E2F8: variants seen among roughly 807,000 people sequenced by gnomAD.
E2F8 encodes the protein transcription factor E2F8.
A neutral mutation model predicts 80.8 loss-of-function variants in E2F8; 35 were observed. The ratio of observed to expected loss-of-function variants is 0.43; its 90% confidence interval spans 0.33 to 0.57. The LOEUF is 0.57. Among genes scored for constraint, E2F8 ranks in the 20% least tolerant of loss-of-function variants. The pLI is 0.04. For synonymous variants in E2F8, 386 were observed against 395.0 expected (o/e 0.98, Z 0.27); for missense variants, 975 against 1,056.2 (o/e 0.92, Z 1.07).
chr11:19,230,764 G>A lies in E2F8; in HGVS notation c.1137C>T (p.Ala379=). The A allele has an allele frequency of 6.2e-7, 1 of 1,614,180 alleles. No individual in the cohort carries two copies. The highest frequency in any genetic ancestry group is 1.1e-5 in the South Asian group (1 of 91,076). ...TCCCACGTGTGGAAAAGAGGTTTTTGGCACAGTTCTCTTTTGAAGACCGTC... is the reference window on the plus strand; with the variant it reads ...TCCCACGTGTGGAAAAGAGGTTTTTAGCACAGTTCTCTTTTGAAGACCGTC... The part of the protein sequence containing the change: ...EVRRSSKENC[A]KNLFSTRGKP... Residue 379 remains alanine, a synonymous_variant, in exon 8 of 13, where the codon GCC becomes GCT. Coordinates refer to ENST00000250024, the MANE Select transcript of E2F8 (RefSeq NM_024680.4).
In E2F8 at chr11:19,225,170, T is replaced by C. The variant is rs564847687; in HGVS notation, c.2421+51A>G. On this transcript the variant is annotated intron_variant, in intron 12 of 12. Transcript: ENST00000250024. ...AGCCAATCTCTTATGACACAGATAC[T>C]TGGGGCTTAGTAATTCCAGGAAAAA... The C allele has an allele frequency of 8.2e-6, 13 of 1,576,904 alleles. No homozygotes were observed. The African/African-American group carries it at 1.8e-4, about 21-fold the overall frequency.
chr11:19,235,590 A>G (rs1409011626), intron 4 of E2F8, among the ~76,000 whole-genome samples: 1 of 152,116 alleles, frequency 6.6e-6, no homozygotes, highest in Non-Finnish European at 1.5e-5. Context: ...CGGAGCTTGC[A>G]GTGAGCCTAG....
rs552328113 is a variant in E2F8 at position 19,230,070 on chromosome 11, G to A, written c.1359-82C>T. On this transcript the variant is annotated intron_variant, in intron 9 of 12. Coordinates refer to ENST00000250024, the MANE Select transcript of E2F8 (RefSeq NM_024680.4). Reference sequence around the variant, plus strand: ...CTACCGCTTTAAGCCTCATATTGAAGCCACGCTTTTATGGAACATGCAGAT... The same window carrying A: ...CTACCGCTTTAAGCCTCATATTGAAACCACGCTTTTATGGAACATGCAGAT... 2.0e-4 allele frequency: 318 copies of A among 1,569,038 alleles called. 1 individual carries two copies. Among genetic ancestry groups the A allele is most frequent in the Non-Finnish European group, 2.5e-4 (290 of 1,154,762 alleles).
chr11:19,237,180 G>C (rs998526786), intron 4 of E2F8, 134 bp downstream of exon 4: 2 of 871,756 alleles, frequency 2.3e-6, no homozygotes, highest in African/African-American at 3.4e-5. Context: ...GAGGGCTTTA[G>C]AGATAGAAAA....
In E2F8 at chr11:19,225,567, G is replaced by C. The variant is rs1343366072; in HGVS notation, c.2075C>G (p.Ser692Cys). 1.2e-6 allele frequency: 2 copies of C among 1,614,224 alleles called. No individual in the cohort carries two copies. Among genetic ancestry groups the C allele is most frequent in the East Asian group, 2.2e-5 (1 of 44,880 alleles). Residue 692 changes from serine (S) to cysteine (C), a missense_variant, in exon 12 of 13, where the codon TCT becomes TGT. Transcript: ENST00000250024. ...TAGCTTCAACGGTGTTACATGAAAA[G>C]AGGGAAAATTAACAGCAGTGAGTTC... ...SSELTAVNFP[S>C]FHVTPLKLMV...
upstream of E2F8, chr11:19,241,643 G>A (rs1273983985): frequency 6.6e-6 from 1 of 152,296 alleles, no homozygotes; most frequent in South Asian, 2.0e-4. The surrounding 1 kb of genome is among the most constrained non-coding windows in gnomAD (Gnocchi z 4.5). Context: ...CTCCCGGCGC[G>A]AGCCGATACC....
At chr11:19,234,015 G>C (rs1301581077) in intron 6 of E2F8, among the ~76,000 whole-genome samples, 1 of 151,378 alleles carries the variant, frequency 6.6e-6, no homozygotes, top group Non-Finnish European at 1.5e-5. Flanking sequence ...GGGTGTGGTG[G>C]CGCGCAACTG....
chr11:19,233,763 CAG>C (rs1257446482), intron 6 of E2F8, among the ~76,000 whole-genome samples: 1 of 152,048 alleles, frequency 6.6e-6, no homozygotes, highest in Non-Finnish European at 1.5e-5. Flanking sequence ...GCTGAGATTA[CAG>C]GCTTCAGCCA....
chr11:19,235,324 G>A (rs1227614879), intron 4 of E2F8, among the ~76,000 whole-genome samples: 1 of 152,224 alleles, frequency 6.6e-6, no homozygotes, highest in East Asian at 1.9e-4. Context: ...CCCTAAACTT[G>A]TGAAGTAGGT....
chr11:19,224,417 T>C lies in E2F8; in HGVS notation c.*241A>G. On this transcript the variant is annotated 3_prime_UTR_variant, in exon 13 of 13. Transcript: ENST00000250024. Reference sequence around the variant, plus strand: ...AGTTAATATATCTTAGAGTTCAACATTTTACTTTTATTTTGTAGGATTGAA... The same window carrying C: ...AGTTAATATATCTTAGAGTTCAACACTTTACTTTTATTTTGTAGGATTGAA... 1 of 377,610 alleles carries C rather than the reference T, an allele frequency of 2.6e-6. No individual in the cohort carries two copies. Among genetic ancestry groups the C allele is most frequent in the Non-Finnish European group, 4.7e-6 (1 of 212,616 alleles). The allele number at this position is 377,610 out of a possible 1,614,324, so 23.4% of individuals were successfully genotyped here. A position where few individuals can be genotyped will look rare whatever the true frequency, so the allele number is the denominator to read the frequency against.
At position 19,229,202 on chromosome 11, in the gene E2F8, G is replaced by C. The variant is rs1851307485; in HGVS notation, c.1893+252C>G. 6.6e-6 allele frequency among the ~76,000 whole-genome samples: 1 copy of C among 152,096 alleles called. No individual in the cohort carries two copies. Among genetic ancestry groups the C allele is most frequent in the South Asian group, 2.1e-4 (1 of 4,828 alleles). Reference sequence around the variant, plus strand: ...CATTCCAGTGTGTGATGGAGAAATGGACTTAAGGACAACCACCCATGGTAC... The same window carrying C: ...CATTCCAGTGTGTGATGGAGAAATGCACTTAAGGACAACCACCCATGGTAC... On this transcript the variant is annotated intron_variant, in intron 10 of 12. Coordinates refer to ENST00000250024, the MANE Select transcript of E2F8 (RefSeq NM_024680.4). The surrounding 1 kb of genome is among the most constrained non-coding windows in gnomAD (Gnocchi z 4.3).
Position 19,229,524 on chromosome 11 carries a change from C to A in E2F8, c.1823G>T (p.Ser608Ile). Residue 608 changes from serine to isoleucine, a missense_variant, in exon 10 of 13, where the codon AGC (serine) becomes ATC (isoleucine). Ser to Ile is a moderately radical substitution (Grantham distance 142). Coordinates refer to ENST00000250024, the MANE Select transcript of E2F8 (RefSeq NM_024680.4). The surrounding 1 kb of genome is among the most constrained non-coding windows in gnomAD (Gnocchi z 4.3). ...TTTGGAACCACTGTCCTCGAGCATG[C>A]TTGCCCTCTTTGAGCCTCTTTCTCC... ...PAGERGSKRA[S>I]MLEDSGSKKK... 6.2e-7 allele frequency: 1 copy of A among 1,614,254 alleles called. No individual in the cohort carries two copies.
At chr11:19,226,439 A>G (rs1035549016) in intron 10 of E2F8, among the ~76,000 whole-genome samples, 1 of 152,242 alleles carries the variant, frequency 6.6e-6, no homozygotes, top group African/African-American at 2.4e-5. Flanking sequence ...AGCAGGTAGC[A>G]TTTCCCAAAC....
chr11:19,240,087 A>G lies in E2F8; in HGVS notation c.15+20T>C. On this transcript the variant is annotated intron_variant, in intron 2 of 12. Coordinates refer to ENST00000250024, the MANE Select transcript of E2F8 (RefSeq NM_024680.4). ...ACTGAATTTAAAATTGCAATGATGA[A>G]TACTGAAGTTATAAAGTACCTTTTC... 1 of 1,521,588 alleles carries G rather than the reference A, an allele frequency of 6.6e-7. No individual in the cohort carries two copies. The highest frequency in any genetic ancestry group is 8.9e-7 in the Non-Finnish European group (1 of 1,128,586). The allele number at this position is 1,521,588 out of a possible 1,614,324, so 94.3% of individuals were successfully genotyped here.
At chr11:19,236,597 C>T (rs1055846568) in intron 4 of E2F8, among the ~76,000 whole-genome samples, 3 of 152,126 alleles carry the variant, frequency 2.0e-5, no homozygotes, top group Non-Finnish European at 2.9e-5. Flanking sequence ...TGAATCTAAA[C>T]GGTATATTCT....
At position 19,237,383 on chromosome 11, in the gene E2F8, G is replaced by C. The variant is rs1478433303; in HGVS notation, c.382C>G (p.Arg128Gly). ...LGLLCHKFLA[R>G]YPNYPNPAVN... ...GCAGGGTTGGGATAATTAGGATATC[G>C]TGCTAAGAACTTATGACACAATAAT... Residue 128 changes from arginine (R) to glycine (G), a missense_variant, in exon 4 of 13, where the codon CGA becomes GGA. Coordinates refer to ENST00000250024, the MANE Select transcript of E2F8 (RefSeq NM_024680.4). 6.2e-7 allele frequency: 1 copy of C among 1,613,940 alleles called. No individual in the cohort carries two copies. Among genetic ancestry groups the C allele is most frequent in the African/African-American group, 1.3e-5 (1 of 74,916 alleles).
Position 19,224,525 on chromosome 11 carries a change from A to T in E2F8, c.*133T>A. On this transcript the variant is annotated 3_prime_UTR_variant, in exon 13 of 13. Coordinates refer to ENST00000250024, the MANE Select transcript of E2F8 (RefSeq NM_024680.4). Reference sequence around the variant, plus strand: ...TATATATATATGTATGAAAACAACTATCTGATTTCACATTGAACAAATCCC... The same window carrying T: ...TATATATATATGTATGAAAACAACTTTCTGATTTCACATTGAACAAATCCC... 1 of 749,658 alleles carries T rather than the reference A, an allele frequency of 1.3e-6. No individual in the cohort carries two copies. The highest frequency in any genetic ancestry group is 2.1e-6 in the Non-Finnish European group (1 of 472,076). The allele number at this position is 749,658 out of a possible 1,614,324, so 46.4% of individuals were successfully genotyped here.
At chr11:19,237,799 TC>T (rs934424713) in intron 3 of E2F8, 54 bp downstream of exon 3, 80 of 1,555,112 alleles carry the variant, frequency 5.1e-5, no homozygotes, top group Non-Finnish European at 6.7e-5. Flanking sequence ...AGCTACAACC[TC>T]CCCCCTCCCC....
intron 12 of E2F8, 108 bp from the exon 13 acceptor site, chr11:19,224,948 T>A: frequency 7.5e-7 from 1 of 1,339,312 alleles, no homozygotes; most frequent in South Asian, 1.4e-5. Flanking sequence ...ATTGGGAAAC[T>A]GGCGTATCTT....
Sources: allele counts gnomAD v4.1 joint callset (sites outside exome capture counted in the v4.1 genomes callset), GRCh38; gene constraint gnomAD v4.1.1; non-coding constraint Gnocchi (gnomAD v3.1); transcripts MANE v1.5; gene names NCBI Gene and HGNC (gene_info 2026-07-23, HGNC 2026-07-21).